Variants in FHIT observed in about 807,000 individuals in gnomAD.
FHIT encodes the protein fragile histidine triad diadenosine triphosphatase.
A neutral mutation model predicts 17.9 loss-of-function variants in FHIT; 19 were observed. That is an observed-to-expected ratio of 1.06 (90% CI 0.74 to 1.56). The LOEUF is 1.56. Ranked by LOEUF, FHIT falls within the 40% of genes most tolerant of loss-of-function variation. The pLI is 0.00. For synonymous variants in FHIT, 81 were observed against 69.7 expected, an observed-to-expected ratio of 1.16 and a Z score of -0.81; for missense variants, 248 against 189.2, an observed-to-expected ratio of 1.31 and a Z score of -1.82.
At chr3:60,526,981 G>A (rs1046593926) in intron 5 of FHIT, among the ~76,000 whole-genome samples, 3 of 152,174 alleles carry the variant, frequency 2.0e-5, no homozygotes, top group African/African-American at 7.2e-5. Flanking sequence ...TTTGCGGTTT[G>A]GGGGCGTGGA....
At chr3:59,770,983 G>A (rs759651446) in intron 8 of FHIT, among the ~76,000 whole-genome samples, 5 of 152,192 alleles carry the variant, frequency 3.3e-5, no homozygotes, top group African/African-American at 9.6e-5. Flanking sequence ...AGCTTAGATG[G>A]TGCCTGTTTT....
chr3:60,138,200 C>G (rs1259984612), intron 5 of FHIT, among the ~76,000 whole-genome samples: 4 of 152,064 alleles, frequency 2.6e-5, no homozygotes, highest in Admixed American at 6.5e-5. Context: ...CAAAGGAAGT[C>G]AGAAGTTGCA....
intron 3 of FHIT, among the ~76,000 whole-genome samples, chr3:60,893,486 T>C (rs1705623437): frequency 6.6e-6 from 1 of 152,196 alleles, no homozygotes; most frequent in Non-Finnish European, 1.5e-5. Flanking sequence ...AATATATATT[T>C]ATTAAAGTTA....
intron 5 of FHIT, among the ~76,000 whole-genome samples, chr3:60,159,010 T>C (rs1273576994): frequency 6.6e-6 from 1 of 152,186 alleles, no homozygotes; most frequent in Non-Finnish European, 1.5e-5. Context: ...TTAATTCTGA[T>C]TTTATACTAA....
intron 8 of FHIT, among the ~76,000 whole-genome samples, chr3:59,753,029 T>A (rs1323866227): frequency 1.3e-5 from 2 of 152,152 alleles, no homozygotes. Context: ...TTAACAGGCA[T>A]CATTCATTTA....
chr3:61,225,042 T>C (rs1250626453), intron 1 of FHIT, among the ~76,000 whole-genome samples: 1 of 152,224 alleles, frequency 6.6e-6, no homozygotes, highest in Non-Finnish European at 1.5e-5. Context: ...GTCACAGGCA[T>C]GTAAGCGGCA....
chr3:60,394,653 G>T (rs2107167603), intron 5 of FHIT, among the ~76,000 whole-genome samples: 1 of 152,216 alleles, frequency 6.6e-6, no homozygotes. Flanking sequence ...ATCTCCAATG[G>T]AGGAAATACT....
intron 8 of FHIT, among the ~76,000 whole-genome samples, chr3:59,789,475 C>T (rs1278155561): frequency 1.3e-5 from 2 of 152,192 alleles, no homozygotes; most frequent in African/African-American, 4.8e-5. Context: ...ACTTTCTGTT[C>T]ATTAGCAATC....
intron 8 of FHIT, among the ~76,000 whole-genome samples, chr3:59,850,787 A>C (rs575403398): frequency 6.6e-6 from 1 of 152,214 alleles, no homozygotes; most frequent in Non-Finnish European, 1.5e-5. Context: ...CACAAAAGCA[A>C]GAGTCTTTCT....
At chr3:61,021,598 CAAAAA>C (rs34870709) in intron 3 of FHIT, among the ~76,000 whole-genome samples, 1 of 63,860 alleles carries the variant, frequency 1.6e-5, no homozygotes. Context: ...GACTCCGTCT[CAAAAA>C]AAAAAAAAAA....
At chr3:60,650,634 A>G (rs1263160615) in intron 4 of FHIT, among the ~76,000 whole-genome samples, 1 of 152,226 alleles carries the variant, frequency 6.6e-6, no homozygotes, top group Non-Finnish European at 1.5e-5. Flanking sequence ...TGCATGAGAA[A>G]TACTTTCAAT....
intron 5 of FHIT, among the ~76,000 whole-genome samples, chr3:60,112,609 A>G (rs1019571761): frequency 6.6e-6 from 1 of 152,218 alleles, no homozygotes; most frequent in African/African-American, 2.4e-5. Flanking sequence ...CATCACATAT[A>G]CACATCTAAT....
chr3:61,221,423 T>C (rs1014312609), intron 1 of FHIT, among the ~76,000 whole-genome samples: 3 of 152,234 alleles, frequency 2.0e-5, no homozygotes, highest in African/African-American at 7.2e-5. Flanking sequence ...AATCCATTTA[T>C]AAGGAAGGCA....
chr3:60,130,784 G>GTATATATACACACATATATGTGTGTGTGT (rs148356992), intron 5 of FHIT, among the ~76,000 whole-genome samples: 1 of 111,628 alleles, frequency 9.0e-6, no homozygotes, highest in Admixed American at 8.9e-5. Flanking sequence ...GTGTGTGTGT[G>GTATATATACACACATATATGTGTGTGTGT]GTGTGTATAT....
At chr3:60,590,843 G>C (rs1180799165) in intron 4 of FHIT, among the ~76,000 whole-genome samples, 1 of 152,068 alleles carries the variant, frequency 6.6e-6, no homozygotes, top group Non-Finnish European at 1.5e-5. Context: ...ACAGAGCACA[G>C]GCTATGGCAG....
intron 8 of FHIT, among the ~76,000 whole-genome samples, chr3:59,804,596 C>T (rs1425624933): frequency 6.6e-6 from 1 of 152,184 alleles, no homozygotes; most frequent in African/African-American, 2.4e-5. Context: ...CTAGAGGTTT[C>T]CATTGGTTAC....
chr3:59,925,618 G>A (rs1375350556), intron 7 of FHIT, among the ~76,000 whole-genome samples: 1 of 152,108 alleles, frequency 6.6e-6, no homozygotes, highest in Non-Finnish European at 1.5e-5. Flanking sequence ...TCTATAGGCT[G>A]TGTTACCACT....
At chr3:60,322,881 T>C (rs1388048731) in intron 5 of FHIT, among the ~76,000 whole-genome samples, 2 of 152,210 alleles carry the variant, frequency 1.3e-5, no homozygotes, top group South Asian at 4.1e-4. Flanking sequence ...ATTTGAACCG[T>C]CTGAATTATG....
At chr3:59,960,742 C>T (rs773113463) in intron 7 of FHIT, among the ~76,000 whole-genome samples, 1 of 152,196 alleles carries the variant, frequency 6.6e-6, no homozygotes, top group Non-Finnish European at 1.5e-5. Flanking sequence ...TCTTGCGTTT[C>T]AATAAAAGCT....
Sources: allele counts gnomAD v4.1 joint callset (sites outside exome capture counted in the v4.1 genomes callset), GRCh38; gene constraint gnomAD v4.1.1; transcripts MANE v1.5; gene names NCBI Gene and HGNC (gene_info 2026-07-23, HGNC 2026-07-21).